FAM174A: variants seen among roughly 807,000 people sequenced by gnomAD.
The protein encoded by FAM174A is membrane protein FAM174A.
A neutral mutation model predicts 14.3 loss-of-function variants in FAM174A; 14 were observed. The observed-to-expected ratio is 0.98, with a 90% CI of 0.65 to 1.53. The LOEUF is 1.53. FAM174A is among the 40% of genes most tolerant of loss of function. The probability of loss-of-function intolerance (pLI) is 0.00; values close to 1 mark genes in which losing one functional copy is unlikely to be tolerated. For missense variants in FAM174A, 241 were observed against 249.6 expected (o/e 0.97, Z 0.23); for synonymous variants, 108 against 111.4 (o/e 0.97, Z 0.19).
chr5:100,570,236 T>C (rs1236117807), intron 2 of FAM174A, among the ~76,000 whole-genome samples: 1 of 151,908 alleles, frequency 6.6e-6, no homozygotes, highest in Non-Finnish European at 1.5e-5. Context: ...TCCTATTACC[T>C]TCTGTGGCTT....
chr5:100,550,166 G>A (rs188339032), intron 1 of FAM174A, among the ~76,000 whole-genome samples: 254 of 152,260 alleles, frequency 1.7e-3, no homozygotes, highest in Non-Finnish European at 2.9e-3. Flanking sequence ...GATTCTAGTT[G>A]GGTTAGAGTA....
At chr5:100,538,845 A>AC (rs1745992628) in intron 1 of FAM174A, among the ~76,000 whole-genome samples, 1 of 151,814 alleles carries the variant, frequency 6.6e-6, no homozygotes, top group Non-Finnish European at 1.5e-5. Context: ...CATTCTCTCC[A>AC]CAGTAAAATG....
intron 1 of FAM174A, among the ~76,000 whole-genome samples, chr5:100,536,832 AGTC>A (rs912088398): frequency 6.6e-6 from 1 of 152,248 alleles, no homozygotes; most frequent in Non-Finnish European, 1.5e-5. Flanking sequence ...CTTTTAAACA[AGTC>A]GTTATTATCA....
intron 2 of FAM174A, among the ~76,000 whole-genome samples, chr5:100,577,643 G>A (rs931881523): frequency 6.6e-6 from 1 of 151,988 alleles, no homozygotes; most frequent in Non-Finnish European, 1.5e-5. Flanking sequence ...GTATAACATA[G>A]TATCAGAATA....
At chr5:100,561,122 A>G (rs2112384998) in intron 1 of FAM174A, among the ~76,000 whole-genome samples, 1 of 152,084 alleles carries the variant, frequency 6.6e-6, no homozygotes, top group East Asian at 1.9e-4. Context: ...AATGCAAATT[A>G]AGGTAAATGA....
chr5:100,553,408 C>G (rs1182694300), intron 1 of FAM174A, among the ~76,000 whole-genome samples: 1 of 152,006 alleles, frequency 6.6e-6, no homozygotes, highest in Non-Finnish European at 1.5e-5. Flanking sequence ...TATAGTAATA[C>G]AGCATGTGTG....
chr5:100,550,462 A>G (rs910697269), intron 1 of FAM174A, among the ~76,000 whole-genome samples: 2 of 152,158 alleles, frequency 1.3e-5, no homozygotes, highest in African/African-American at 4.8e-5. Flanking sequence ...AGAAAATGGA[A>G]GATATATTGC....
intron 2 of FAM174A, among the ~76,000 whole-genome samples, chr5:100,568,112 C>A (rs1746702149): frequency 6.6e-6 from 1 of 151,900 alleles, no homozygotes; most frequent in Non-Finnish European, 1.5e-5. Context: ...TAAAAACCTT[C>A]CCTTCTTCCT....
At chr5:100,577,663 C>G (rs189119206) in intron 2 of FAM174A, among the ~76,000 whole-genome samples, 88 of 152,080 alleles carry the variant, frequency 5.8e-4, no homozygotes, top group Non-Finnish European at 9.4e-4. Context: ...AAACACTAAC[C>G]TTAGTCAAAG....
Position 100,535,513 on chromosome 5 carries a change from G to T in FAM174A, c.-18G>T. ...GGGCCTGGCGGCTCCCGGGTGGTGA[G>T]AGAGCGGTCCGGGAACGATGAAGGC... is the stretch of plus-strand genomic sequence containing the variant. On this transcript the variant is annotated 5_prime_UTR_variant, in exon 1 of 3. Coordinates refer to ENST00000312637, the MANE Select transcript of FAM174A (RefSeq NM_198507.3). The T allele has an allele frequency of 1.2e-6, 2 of 1,609,786 alleles. No individual in the cohort carries two copies. The highest frequency in any genetic ancestry group is 3.3e-5 in the Admixed American group (2 of 59,764).
At chr5:100,576,659 C>T (rs1746911663) in intron 2 of FAM174A, among the ~76,000 whole-genome samples, 1 of 152,092 alleles carries the variant, frequency 6.6e-6, no homozygotes, top group Admixed American at 6.6e-5. Context: ...TAGCTAACCA[C>T]CGTTCCACCA....
At chr5:100,569,980 A>G (rs1746743157) in intron 2 of FAM174A, among the ~76,000 whole-genome samples, 1 of 151,956 alleles carries the variant, frequency 6.6e-6, no homozygotes, top group Non-Finnish European at 1.5e-5. Flanking sequence ...AATGAGCAAT[A>G]AGGATGGATA....
At chr5:100,583,871 A>G (rs906886899) in intron 2 of FAM174A, among the ~76,000 whole-genome samples, 2 of 152,160 alleles carry the variant, frequency 1.3e-5, no homozygotes, top group Non-Finnish European at 2.9e-5. Context: ...ATAGTGTTGA[A>G]TAAACCTTTC....
At chr5:100,579,681 C>T (rs1444419114) in intron 2 of FAM174A, among the ~76,000 whole-genome samples, 1 of 152,158 alleles carries the variant, frequency 6.6e-6, no homozygotes, top group Non-Finnish European at 1.5e-5. Flanking sequence ...CCACCTCAGT[C>T]ACCCAAAGTG....
In FAM174A at chr5:100,553,890, GA is replaced by G. The variant is rs1746311764; in HGVS notation, c.435-8162del. Among the ~76,000 whole-genome samples the G allele has an allele frequency of 2.6e-5, 4 of 152,274 alleles. No individual in the cohort carries two copies. The South Asian group carries it at 8.3e-4, about 32-fold the overall frequency. On this transcript the variant is annotated intron_variant, in intron 1 of 2. Transcript: ENST00000312637. ...CGTTAAAGACTTTGAATGTAGAGAAGAACATCAGATGAGCTGAATGTTAAAG... is the reference window on the plus strand; with the variant it reads ...CGTTAAAGACTTTGAATGTAGAGAAGACATCAGATGAGCTGAATGTTAAAG...
At chr5:100,581,756 A>T (rs1473500197) in intron 2 of FAM174A, among the ~76,000 whole-genome samples, 1 of 152,218 alleles carries the variant, frequency 6.6e-6, no homozygotes, top group African/African-American at 2.4e-5. Flanking sequence ...AAACATCCAG[A>T]ATAGAATTCT....
At chr5:100,574,430 C>G (rs748641464) in intron 2 of FAM174A, among the ~76,000 whole-genome samples, 14 of 152,044 alleles carry the variant, frequency 9.2e-5, no homozygotes, top group Non-Finnish European at 2.1e-4. Context: ...TCAGGTGATC[C>G]ACCCGCCTCG....
At chr5:100,549,835 G>A (rs1414564980) in intron 1 of FAM174A, among the ~76,000 whole-genome samples, 6 of 152,032 alleles carry the variant, frequency 3.9e-5, no homozygotes, top group Non-Finnish European at 5.9e-5. Flanking sequence ...CTTCAACATG[G>A]AGTCATATAC....
In FAM174A at chr5:100,560,726, A is replaced by G. The variant is rs1007092995; in HGVS notation, c.435-1328A>G. ...TCTTTACAGTTGATGTTATAGCCCA[A>G]GTATTTCTTATCCCACATATGTCAA... On this transcript the variant is annotated intron_variant, in intron 1 of 2. Transcript: ENST00000312637. Among the ~76,000 whole-genome samples the G allele has an allele frequency of 2.6e-5, 4 of 152,030 alleles. No individual in the cohort carries two copies. The South Asian group carries it at 8.3e-4, about 31-fold the overall frequency.
Sources: allele counts gnomAD v4.1 joint callset (sites outside exome capture counted in the v4.1 genomes callset), GRCh38; gene constraint gnomAD v4.1.1; transcripts MANE v1.5; gene names NCBI Gene and HGNC (gene_info 2026-07-23, HGNC 2026-07-21).